CTNNA3: variants seen among roughly 807,000 people sequenced by gnomAD.
The protein encoded by CTNNA3 is catenin alpha 3.
Under a neutral mutation model 95.7 loss-of-function variants are expected in CTNNA3, and 76 were observed. The observed-to-expected ratio is 0.79, with a 90% CI of 0.66 to 0.96. CTNNA3 has a LOEUF of 0.96. Among genes scored for constraint, CTNNA3 ranks in the 40% least tolerant of loss-of-function variants. The pLI, the probability that CTNNA3 is intolerant of heterozygous loss-of-function variation, is 0.00. For missense variants in CTNNA3, 1,191 were observed against 1,089.8 expected (o/e 1.09, Z -1.31); for synonymous variants, 431 against 374.4 (o/e 1.15, Z -1.74).
intron 17 of CTNNA3, among the ~76,000 whole-genome samples, chr10:65,961,600 C>G (rs753635858): frequency 2.6e-5 from 4 of 152,040 alleles, no homozygotes; most frequent in Admixed American, 6.6e-5. Flanking sequence ...TTAGCTGCCA[C>G]CCAATATCCA....
intron 13 of CTNNA3, among the ~76,000 whole-genome samples, chr10:66,185,496 G>A (rs964747400): frequency 1.3e-5 from 2 of 151,814 alleles, no homozygotes; most frequent in African/African-American, 4.8e-5. Context: ...TAATAATACT[G>A]CACGAAAAAT....
intron 7 of CTNNA3, among the ~76,000 whole-genome samples, chr10:66,990,704 T>G (rs1287171200): frequency 6.6e-6 from 1 of 152,212 alleles, no homozygotes; most frequent in Non-Finnish European, 1.5e-5. Flanking sequence ...ATAGCAAAGT[T>G]AACATTGAAC....
chr10:66,114,808 G>A (rs963092468), intron 13 of CTNNA3, among the ~76,000 whole-genome samples: 1 of 151,776 alleles, frequency 6.6e-6, no homozygotes, highest in Admixed American at 6.6e-5. Flanking sequence ...GAACCCAGGA[G>A]GCAGAGGTTG....
intron 11 of CTNNA3, among the ~76,000 whole-genome samples, chr10:66,389,297 A>G (rs1225685322): frequency 1.3e-5 from 2 of 152,146 alleles, no homozygotes; most frequent in Admixed American, 1.3e-4. Flanking sequence ...ATATGTTATT[A>G]TAGAACAAGC....
In CTNNA3 at chr10:67,354,439, A is replaced by C. The variant is rs150004579; in HGVS notation, c.580-134569T>G. Among the ~76,000 whole-genome samples the C allele has an allele frequency of 3.4e-3, 519 of 152,184 alleles. 4 individuals are homozygous for C. The highest frequency in any genetic ancestry group is 0.011 in the African/African-American group (474 of 41,558). ...TTGGCTGAATTACCCATTTGTATGT[A>C]TGTTTGTAACTTGAATTATTCATTT... On this transcript the variant is annotated intron_variant, in intron 5 of 17. Transcript: ENST00000433211.
intron 13 of CTNNA3, among the ~76,000 whole-genome samples, chr10:66,205,723 C>G (rs1250524888): frequency 6.6e-6 from 1 of 151,902 alleles, no homozygotes; most frequent in Non-Finnish European, 1.5e-5. Flanking sequence ...CCAGCGTCAT[C>G]ATTTTTTAAT....
chr10:66,861,147 C>T (rs898315406), intron 7 of CTNNA3, among the ~76,000 whole-genome samples: 4 of 152,108 alleles, frequency 2.6e-5, no homozygotes, highest in African/African-American at 9.7e-5. Flanking sequence ...ACTGAGGGTG[C>T]TATGATGAAT....
At chr10:65,960,299 G>A (rs1417134816) in intron 17 of CTNNA3, among the ~76,000 whole-genome samples, 1 of 151,846 alleles carries the variant, frequency 6.6e-6, no homozygotes, top group African/African-American at 2.4e-5. Context: ...CACTTTGGGA[G>A]GCCGAGGTGG....
chr10:66,605,503 A>G (rs961450322), intron 10 of CTNNA3, among the ~76,000 whole-genome samples: 5 of 152,144 alleles, frequency 3.3e-5, no homozygotes, highest in Non-Finnish European at 7.4e-5. Flanking sequence ...AAGACATACA[A>G]TCATCAGATT....
At chr10:67,684,110 C>A (rs1589563864) in intron 1 of CTNNA3, among the ~76,000 whole-genome samples, 1 of 152,242 alleles carries the variant, frequency 6.6e-6, no homozygotes, top group African/African-American at 2.4e-5. Flanking sequence ...GCCCCACCCA[C>A]ATCCTGCTGA....
At chr10:66,597,511 C>CAT (rs369390875) in intron 10 of CTNNA3, among the ~76,000 whole-genome samples, 4,523 of 70,210 alleles carry the variant, frequency 0.064, 123 homozygotes, top group Non-Finnish European at 0.086. Context: ...TTATTTCATA[C>CAT]ATATATATAT....
rs186968264 is a variant in CTNNA3 at position 67,348,446 on chromosome 10, T to A, written c.580-128576A>T. Among the ~76,000 whole-genome samples the A allele has an allele frequency of 7.2e-5, 11 of 152,242 alleles. No homozygotes were observed. The East Asian group carries it at 1.7e-3, about 24-fold the overall frequency. ...TAAAGGAATACCTGAGACAGGGTAA[T>A]TTATAAAGAAAAGAGGCTTATTTTG... is the stretch of plus-strand genomic sequence containing the variant. On this transcript the variant is annotated intron_variant, in intron 5 of 17. Transcript: ENST00000433211.
At chr10:66,532,362 T>C (rs1429921022) in intron 10 of CTNNA3, among the ~76,000 whole-genome samples, 1 of 151,470 alleles carries the variant, frequency 6.6e-6, no homozygotes, top group Non-Finnish European at 1.5e-5. Context: ...CTGGGGAGGC[T>C]GAGGCAGGAG....
At chr10:66,583,032 T>G (rs1402745770) in intron 10 of CTNNA3, among the ~76,000 whole-genome samples, 1 of 151,866 alleles carries the variant, frequency 6.6e-6, no homozygotes, top group African/African-American at 2.4e-5. Context: ...CTGTTGGATT[T>G]GGTTTGCTAC....
intron 15 of CTNNA3, among the ~76,000 whole-genome samples, chr10:66,049,200 T>C (rs977365688): frequency 6.6e-6 from 1 of 152,182 alleles, no homozygotes; most frequent in Non-Finnish European, 1.5e-5. Context: ...ACAACATCAC[T>C]GATCATTAGA....
intron 5 of CTNNA3, among the ~76,000 whole-genome samples, chr10:67,366,915 G>T (rs770754199): frequency 5.9e-5 from 9 of 151,636 alleles, no homozygotes; most frequent in Non-Finnish European, 1.2e-4. Flanking sequence ...TTGTTGTTTA[G>T]GTTAAAAATT....
At chr10:67,423,598 G>A (rs1309770620) in intron 5 of CTNNA3, among the ~76,000 whole-genome samples, 5 of 152,106 alleles carry the variant, frequency 3.3e-5, no homozygotes, top group African/African-American at 1.2e-4. Flanking sequence ...AATTCAAAAT[G>A]AGAACTAGAA....
At chr10:66,224,463 C>G (rs910908465) in intron 13 of CTNNA3, among the ~76,000 whole-genome samples, 1 of 152,106 alleles carries the variant, frequency 6.6e-6, no homozygotes, top group African/African-American at 2.4e-5. Flanking sequence ...TATTATATTG[C>G]TTGTCATGGT....
intron 5 of CTNNA3, among the ~76,000 whole-genome samples, chr10:67,390,619 C>A (rs1844427357): frequency 6.6e-6 from 1 of 150,468 alleles, no homozygotes; most frequent in African/African-American, 2.5e-5. Flanking sequence ...GAATTTTAGA[C>A]CAATATCCTT....
Sources: allele counts gnomAD v4.1 joint callset (sites outside exome capture counted in the v4.1 genomes callset), GRCh38; gene constraint gnomAD v4.1.1; transcripts MANE v1.5; gene names NCBI Gene and HGNC (gene_info 2026-07-23, HGNC 2026-07-21).